MALRD1: variants seen among roughly 807,000 people sequenced by gnomAD.
MALRD1 encodes MAM and LDL receptor class A domain containing 1, also known as MAM and LDL-receptor class A domain-containing protein 1.
In MALRD1, 247 loss-of-function variants were observed where a neutral mutation model predicts 242.1. The ratio of observed to expected loss-of-function variants is 1.02; its 90% CI spans 0.92 to 1.13. The LOEUF is 1.13. Ranked by LOEUF, MALRD1 falls within the 50% of genes most tolerant of loss-of-function variation. The probability of loss-of-function intolerance (pLI) is 0.00; values close to 1 mark genes in which losing one functional copy is unlikely to be tolerated. For missense variants in MALRD1, 2,989 were observed against 2,533.1 expected, an observed-to-expected ratio of 1.18 and a Z score of -3.86; for synonymous variants, 995 against 866.6, an observed-to-expected ratio of 1.15 and a Z score of -2.60.
intron 13 of MALRD1, among the ~76,000 whole-genome samples, chr10:19,171,425 TATACATATATA>T (rs1834921592): frequency 5.5e-5 from 5 of 91,266 alleles, no homozygotes; most frequent in African/African-American, 9.8e-5. Context: ...TTATATTTTA[TATACATATATA>T]TATATATATA....
intron 31 of MALRD1, among the ~76,000 whole-genome samples, chr10:19,526,204 G>C (rs1834093267): frequency 6.6e-6 from 1 of 152,050 alleles, no homozygotes. Context: ...GGTCTAGTCT[G>C]AGCTTGCTAG....
chr10:19,064,531 A>T (rs1380990848), intron 1 of MALRD1, among the ~76,000 whole-genome samples: 1 of 151,868 alleles, frequency 6.6e-6, no homozygotes, highest in Non-Finnish European at 1.5e-5. Context: ...GTAAGAATTA[A>T]TTGAAAACCT....
At chr10:19,106,248 G>C (rs1412508602) in intron 5 of MALRD1, among the ~76,000 whole-genome samples, 1 of 151,646 alleles carries the variant, frequency 6.6e-6, no homozygotes, top group African/African-American at 2.4e-5. Flanking sequence ...ATGAGTGAGA[G>C]GTTGTTAGTT....
chr10:19,724,079 T>A (rs775055788), intron 38 of MALRD1, among the ~76,000 whole-genome samples: 7 of 152,210 alleles, frequency 4.6e-5, no homozygotes, highest in Admixed American at 4.6e-4. Flanking sequence ...AATAAAAAAA[T>A]TTAAGCTTTT....
rs1427933347 is a variant in MALRD1 at position 19,236,298 on chromosome 10, C to T, written c.2992-21386C>T. Among the ~76,000 whole-genome samples the T allele has an allele frequency of 2.6e-5, 4 of 152,234 alleles. No homozygotes were observed. The South Asian group carries it at 8.3e-4, about 32-fold the overall frequency. Reference sequence around the variant, plus strand: ...GGTGCAGGTGTGATATGACACTTACCTGGAATGGCCCACAGTTTGTGGCTG... The same window carrying T: ...GGTGCAGGTGTGATATGACACTTACTTGGAATGGCCCACAGTTTGTGGCTG... On this transcript the variant is annotated intron_variant, in intron 18 of 39. Coordinates refer to ENST00000454679, the MANE Select transcript of MALRD1 (RefSeq NM_001142308.3).
chr10:19,476,418 C>T (rs1385578796), intron 29 of MALRD1, among the ~76,000 whole-genome samples: 1 of 152,156 alleles, frequency 6.6e-6, no homozygotes, highest in Non-Finnish European at 1.5e-5. Context: ...CACCCTTCCT[C>T]ACTTGGCAAG....
In MALRD1 at chr10:19,491,594, C is replaced by T; in HGVS notation, c.5107C>T (p.Leu1703Phe). Residue 1703 changes from leucine to phenylalanine, a missense_variant, in exon 30 of 40, where the codon CTT becomes TTT. Physicochemically the swap from Leu to Phe is conservative, Grantham distance 22. Transcript: ENST00000454679. ...CAAGAAGTGCATTGCATCCCACCTT[C>T]TTTGTGACTATAAGCCAGACTGCTC... ...RDKKCIASHL[L>F]CDYKPDCSDR... The T allele has an allele frequency of 6.5e-7, 1 of 1,550,220 alleles. No homozygotes were observed. Among genetic ancestry groups the T allele is most frequent in the South Asian group, 1.2e-5 (1 of 84,064 alleles).
intron 4 of MALRD1, among the ~76,000 whole-genome samples, chr10:19,098,749 A>G (rs1389431252): frequency 6.6e-6 from 1 of 152,202 alleles, no homozygotes; most frequent in Non-Finnish European, 1.5e-5. Context: ...AGACGTGAAC[A>G]TACAAGGAGT....
intron 28 of MALRD1, among the ~76,000 whole-genome samples, chr10:19,420,059 T>C (rs1382312315): frequency 2.0e-5 from 3 of 152,160 alleles, no homozygotes; most frequent in African/African-American, 7.2e-5. Flanking sequence ...CTATAGAAGG[T>C]TGCACCCTTA....
chr10:19,559,542 T>C (rs1440483143), intron 32 of MALRD1, among the ~76,000 whole-genome samples: 1 of 152,164 alleles, frequency 6.6e-6, no homozygotes, highest in East Asian at 1.9e-4. Flanking sequence ...CTTTGTGTTA[T>C]TGGAAATTGT....
chr10:19,559,156 C>T (rs1234286463), intron 32 of MALRD1, among the ~76,000 whole-genome samples: 2 of 151,810 alleles, frequency 1.3e-5, no homozygotes, highest in East Asian at 3.9e-4. Context: ...GCACTCCAGC[C>T]TGGGTGACAG....
intron 2 of MALRD1, among the ~76,000 whole-genome samples, chr10:19,082,862 A>G (rs903480266): frequency 6.6e-6 from 1 of 151,988 alleles, no homozygotes; most frequent in Non-Finnish European, 1.5e-5. Flanking sequence ...ACAAAATGCC[A>G]TAAACTGAGT....
intron 11 of MALRD1, among the ~76,000 whole-genome samples, chr10:19,148,788 A>AAAAAAAAAT (rs1206724666): frequency 5.7e-5 from 5 of 88,016 alleles, no homozygotes; most frequent in Non-Finnish European, 1.2e-4. Flanking sequence ...AAAAAAAAAA[A>AAAAAAAAAT]ATATATATAT....
intron 29 of MALRD1, among the ~76,000 whole-genome samples, chr10:19,488,360 T>TTA (rs1768711188): frequency 6.6e-6 from 1 of 152,148 alleles, no homozygotes; most frequent in African/African-American, 2.4e-5. Context: ...GCTTGGAGTC[T>TTA]GGGGGGACAG....
intron 33 of MALRD1, among the ~76,000 whole-genome samples, chr10:19,594,874 C>T (rs919404648): frequency 4.6e-5 from 7 of 151,956 alleles, no homozygotes; most frequent in African/African-American, 7.3e-5. Flanking sequence ...GACTATATAT[C>T]GGGTACAGTG....
chr10:19,117,499 T>C lies in MALRD1; in HGVS notation c.695-5993T>C, dbSNP rs558803485. Reference sequence around the variant, plus strand: ...GATGAATTAGAGATAATATACAACATTTAACTGAACTATGACCAATATTTA... The same window carrying C: ...GATGAATTAGAGATAATATACAACACTTAACTGAACTATGACCAATATTTA... On this transcript the variant is annotated intron_variant, in intron 5 of 39. Transcript: ENST00000454679. 2.0e-3 allele frequency among the ~76,000 whole-genome samples: 300 copies of C among 152,218 alleles called. 2 individuals are homozygous for C. Among genetic ancestry groups the C allele is most frequent in the African/African-American group, 6.6e-3 (276 of 41,566 alleles).
At chr10:19,051,268 A>G (rs1250216276) in intron 1 of MALRD1, among the ~76,000 whole-genome samples, 1 of 150,656 alleles carries the variant, frequency 6.6e-6, no homozygotes, top group Non-Finnish European at 1.5e-5. Context: ...AACTAGCTTT[A>G]TAAGGATTTA....
intron 21 of MALRD1, among the ~76,000 whole-genome samples, chr10:19,322,533 C>G (rs1224577636): frequency 6.6e-6 from 1 of 152,126 alleles, no homozygotes; most frequent in Non-Finnish European, 1.5e-5. Flanking sequence ...ATACATGGAA[C>G]TGTCTCATTT....
At chr10:19,154,492 C>G (rs1331610516) in intron 11 of MALRD1, among the ~76,000 whole-genome samples, 3 of 152,194 alleles carry the variant, frequency 2.0e-5, no homozygotes, top group African/African-American at 7.2e-5. Flanking sequence ...AGCTCTGAAC[C>G]TGTGATCTTT....
Sources: allele counts gnomAD v4.1 joint callset (sites outside exome capture counted in the v4.1 genomes callset), GRCh38; gene constraint gnomAD v4.1.1; transcripts MANE v1.5; gene names NCBI Gene and HGNC (gene_info 2026-07-23, HGNC 2026-07-21).